Variants in CHST15 observed in about 807,000 individuals in gnomAD.
CHST15 encodes the protein B cell RAG associated protein (GALNAC4S-6ST).
CHST15 carries 30 observed loss-of-function variants against 53.6 expected under a neutral mutation model. That is an observed-to-expected ratio of 0.56 (90% CI 0.42 to 0.76). The LOEUF (loss-of-function observed/expected upper bound fraction) is 0.76, where lower values mean the gene tolerates loss of function less well. CHST15 is among the 30% of genes least tolerant of loss of function. The pLI is 0.00. For synonymous variants in CHST15, 296 were observed against 289.8 expected (o/e 1.02, Z -0.22); for missense variants, 627 against 740.5 (o/e 0.85, Z 1.78).
chr10:124,011,657 T>C lies in CHST15; in HGVS notation c.1495+676A>G. ...CGCCAGCACATGCCTCTGCCAGCCA[T>C]CACCATAGTCAGCAGTGTGGCCTGT... is the stretch of plus-strand genomic sequence containing the variant. On this transcript the variant is annotated intron_variant, in intron 7 of 7. Transcript: ENST00000435907. The C allele has an allele frequency of 7.1e-6, 7 of 985,398 alleles. No individual in the cohort carries two copies. The South Asian group carries it at 2.8e-4, about 40-fold the overall frequency. The allele number at this position is 985,398 out of a possible 1,614,324, so 61.0% of individuals were successfully genotyped here. A position where few individuals can be genotyped will look rare whatever the true frequency, so the allele number is the denominator to read the frequency against.
chr10:124,017,871 C>T (rs1475327206), intron 6 of CHST15, among the ~76,000 whole-genome samples: 1 of 152,192 alleles, frequency 6.6e-6, no homozygotes, highest in Non-Finnish European at 1.5e-5. Flanking sequence ...ACTTCCCATC[C>T]GTACTCTGAC....
chr10:124,031,424 C>T (rs1016912642), intron 5 of CHST15, among the ~76,000 whole-genome samples: 2 of 152,138 alleles, frequency 1.3e-5, no homozygotes, highest in African/African-American at 4.8e-5. Flanking sequence ...CAGCCCCCTA[C>T]ACACCTAGGT....
rs1351803773 is a variant in CHST15 at position 124,088,099 on chromosome 10, C to T, written c.-513+5370G>A. Among the ~76,000 whole-genome samples the T allele has an allele frequency of 2.0e-5, 3 of 152,338 alleles. No homozygotes were observed. In the East Asian group the frequency reaches 5.8e-4, roughly 29 times the overall value. On this transcript the variant is annotated intron_variant, in intron 1 of 7. Coordinates refer to ENST00000435907, the MANE Select transcript of CHST15 (RefSeq NM_001270764.2). ...AGCTCCGGGGCTGAAGAATATCACC[C>T]GAGCCAGTGTTTACTGAGCACTTAC...
At chr10:124,073,662 C>T (rs531819174) in intron 1 of CHST15, among the ~76,000 whole-genome samples, 2 of 152,354 alleles carry the variant, frequency 1.3e-5, no homozygotes, top group East Asian at 3.9e-4. Flanking sequence ...AAGGGCACAG[C>T]AACCATTCGA....
chr10:124,043,027 T>G (rs1336174836), intron 3 of CHST15, among the ~76,000 whole-genome samples: 1 of 152,194 alleles, frequency 6.6e-6, no homozygotes, highest in Non-Finnish European at 1.5e-5. Context: ...TAGACAGACA[T>G]GGATTCTGGC....
At chr10:124,053,804 G>A (rs911486770) in intron 1 of CHST15, among the ~76,000 whole-genome samples, 2 of 152,100 alleles carry the variant, frequency 1.3e-5, no homozygotes, top group Admixed American at 6.5e-5. Flanking sequence ...TGTAGTCCCA[G>A]CTACTTGGAA....
chr10:124,033,960 C>T (rs539538577), intron 5 of CHST15, among the ~76,000 whole-genome samples: 3 of 152,354 alleles, frequency 2.0e-5, no homozygotes, highest in Non-Finnish European at 2.9e-5. Context: ...CTAATTAGTA[C>T]AGCAGGCAAT....
At chr10:124,062,397 C>T (rs1370023811) in intron 1 of CHST15, among the ~76,000 whole-genome samples, 2 of 152,188 alleles carry the variant, frequency 1.3e-5, no homozygotes, top group Non-Finnish European at 2.9e-5. Flanking sequence ...GGCAGGTGAA[C>T]ATCCACACGT....
intron 5 of CHST15, among the ~76,000 whole-genome samples, chr10:124,031,853 GT>G (rs1316375137): frequency 6.6e-6 from 1 of 152,174 alleles, no homozygotes; most frequent in Non-Finnish European, 1.5e-5. Flanking sequence ...TCTTGTCCCA[GT>G]TTACAGAGCA....
At position 124,045,932 on chromosome 10, in the gene CHST15, G is replaced by T. The variant is rs1273780099; in HGVS notation, c.281C>A (p.Ala94Asp). ...GTGGGCCCCAGAAAGGATGTAAGAA[G>T]CCATTACCAAGGTCATTATTATCAG... ...FGLIIMTLVM[A>D]SYILSGAHQE... is the part of the protein sequence containing the mutation. The change falls in exon 2 of 8, where the codon GCT (alanine) becomes GAT (aspartate). Residue 94 changes from alanine (A) to aspartate (D), a missense_variant. Ala to Asp is a moderately radical substitution (Grantham distance 126). Coordinates refer to ENST00000435907, the MANE Select transcript of CHST15 (RefSeq NM_001270764.2). The T allele has an allele frequency of 6.2e-7, 1 of 1,613,964 alleles. No individual in the cohort carries two copies. Among genetic ancestry groups the T allele is most frequent in the Admixed American group, 1.7e-5 (1 of 60,014 alleles).
In CHST15 at chr10:124,067,663, C is replaced by A. The variant is rs184957113; in HGVS notation, c.-512-20939G>T. On this transcript the variant is annotated intron_variant, in intron 1 of 7. Coordinates refer to ENST00000435907, the MANE Select transcript of CHST15 (RefSeq NM_001270764.2). ...ACGGAGTGTTGCTCTGTCACCCAGC[C>A]TGGAGTGTAGTGGCATGATCTCAGC... Among the ~76,000 whole-genome samples, 19 of 152,348 alleles carry A rather than the reference C, an allele frequency of 1.2e-4. No homozygotes were observed. The East Asian group carries it at 1.9e-3, about 15-fold the overall frequency.
At chr10:124,059,666 A>G (rs913565845) in intron 1 of CHST15, among the ~76,000 whole-genome samples, 19 of 152,168 alleles carry the variant, frequency 1.2e-4, no homozygotes, top group Admixed American at 3.3e-4. Context: ...ACTGCAAATC[A>G]TGATTCTGCA....
At chr10:124,080,981 C>T (rs1216969106) in intron 1 of CHST15, among the ~76,000 whole-genome samples, 1 of 152,216 alleles carries the variant, frequency 6.6e-6, no homozygotes, top group African/African-American at 2.4e-5. Flanking sequence ...AGCAATTCTG[C>T]ACTGACCAGC....
chr10:124,055,723 C>T (rs776318324), intron 1 of CHST15, among the ~76,000 whole-genome samples: 4 of 152,204 alleles, frequency 2.6e-5, no homozygotes, highest in Non-Finnish European at 5.9e-5. Flanking sequence ...CTCCAAATGA[C>T]CATGCTCATC....
intron 1 of CHST15, among the ~76,000 whole-genome samples, chr10:124,085,274 C>A (rs1223475560): frequency 6.6e-6 from 1 of 152,220 alleles, no homozygotes; most frequent in Non-Finnish European, 1.5e-5. Flanking sequence ...CCAGCAGCCT[C>A]CACATTTCTC....
At position 124,010,111 on chromosome 10, in the gene CHST15, C is replaced by T. The variant is rs1946369322; in HGVS notation, c.*38G>A. 1 of 1,611,256 alleles carries T rather than the reference C, an allele frequency of 6.2e-7. No individual in the cohort carries two copies. The highest frequency in any genetic ancestry group is 8.5e-7 in the Non-Finnish European group (1 of 1,179,548). On this transcript the variant is annotated 3_prime_UTR_variant, in exon 8 of 8. Coordinates refer to ENST00000435907, the MANE Select transcript of CHST15 (RefSeq NM_001270764.2). ...ATTTGTAAAATCCTGATGATGACGG[C>T]ATTGGCGGGCCCAGCACGTGCAGCA...
At chr10:124,050,262 A>C (rs1948145727) in intron 1 of CHST15, among the ~76,000 whole-genome samples, 1 of 152,124 alleles carries the variant, frequency 6.6e-6, no homozygotes, top group Non-Finnish European at 1.5e-5. Flanking sequence ...CCCAGAGAGG[A>C]GGCCTGTTCC....
At chr10:124,038,046 CACTT>C (rs1243785716) in intron 5 of CHST15, among the ~76,000 whole-genome samples, 2 of 152,248 alleles carry the variant, frequency 1.3e-5, no homozygotes, top group Non-Finnish European at 2.9e-5. Context: ...TCAAGAATAA[CACTT>C]ACGTAAGAAA....
intron 1 of CHST15, among the ~76,000 whole-genome samples, chr10:124,060,724 C>G (rs1367888804): frequency 2.0e-5 from 3 of 152,332 alleles, no homozygotes; most frequent in Non-Finnish European, 2.9e-5. Flanking sequence ...TTCGAAATTT[C>G]AAACATTGAA....
Sources: gnomAD v4.1 joint callset for allele counts (sites outside exome capture counted in the v4.1 genomes callset) on GRCh38, gnomAD v4.1.1 for gene constraint, MANE v1.5 for transcripts, NCBI Gene and HGNC (gene_info 2026-07-23, HGNC 2026-07-21) for gene names.